MOXD1: variants seen among roughly 807,000 people sequenced by gnomAD.
MOXD1 encodes the protein monooxygenase DBH like 1.
Under a neutral mutation model 66.6 loss-of-function variants are expected in MOXD1, and 62 were observed. The observed-to-expected ratio is 0.93, with a 90% CI of 0.76 to 1.15. MOXD1 has a LOEUF of 1.15. Among genes scored for constraint, MOXD1 ranks in the 50% most tolerant of loss-of-function variants. The pLI is 0.00. For synonymous variants in MOXD1, 303 were observed against 281.9 expected, an observed-to-expected ratio of 1.07 and a Z score of -0.75; for missense variants, 847 against 754.6, an observed-to-expected ratio of 1.12 and a Z score of -1.44.
intron 9 of MOXD1, 30 bp from the exon 10 acceptor site, chr6:132,315,807 A>G: frequency 1.2e-6 from 2 of 1,609,026 alleles, no homozygotes; most frequent in Non-Finnish European, 1.7e-6. Flanking sequence ...TTAGCAAAGT[A>G]TGTGTTCTAC....
intron 10 of MOXD1, among the ~76,000 whole-genome samples, chr6:132,304,664 T>G (rs963534029): frequency 2.6e-5 from 4 of 152,202 alleles, no homozygotes; most frequent in Non-Finnish European, 5.9e-5. Flanking sequence ...TAACTTGTTG[T>G]GTATAAGTAT....
chr6:132,312,969 T>A (rs1480655842), intron 10 of MOXD1, among the ~76,000 whole-genome samples: 1 of 152,190 alleles, frequency 6.6e-6, no homozygotes, highest in East Asian at 1.9e-4. Context: ...TACTCAAGGC[T>A]AAGTAAGGAA....
intron 6 of MOXD1, 144 bp from the exon 7 acceptor site, chr6:132,324,241 AG>A: frequency 3.7e-6 from 3 of 815,618 alleles, no homozygotes; most frequent in East Asian, 2.8e-5. Context: ...CATGAGGGAA[AG>A]GGATTCAAGC....
intron 10 of MOXD1, among the ~76,000 whole-genome samples, chr6:132,315,115 G>A (rs919038446): frequency 9.2e-5 from 14 of 152,162 alleles, no homozygotes; most frequent in African/African-American, 3.4e-4. Context: ...CTTTCCATCT[G>A]GAAGTATGGA....
At chr6:132,387,124 G>A (rs1776667115) in intron 1 of MOXD1, among the ~76,000 whole-genome samples, 1 of 151,312 alleles carries the variant, frequency 6.6e-6, no homozygotes, top group Admixed American at 6.6e-5. Context: ...TTTCCAGAAG[G>A]AGTCCTCTGG....
chr6:132,363,881 C>A (rs1365418039), intron 4 of MOXD1, among the ~76,000 whole-genome samples: 1 of 151,802 alleles, frequency 6.6e-6, no homozygotes, highest in Non-Finnish European at 1.5e-5. Context: ...ACATAAATAT[C>A]TTAGTATTCT....
intron 10 of MOXD1, among the ~76,000 whole-genome samples, chr6:132,315,160 G>A (rs1348752234): frequency 1.3e-5 from 2 of 152,168 alleles, no homozygotes; most frequent in East Asian, 3.9e-4. Context: ...CCACCTATAT[G>A]ACTAGTTCCT....
At chr6:132,394,921 G>A (rs777329874) in intron 1 of MOXD1, among the ~76,000 whole-genome samples, 34 of 152,038 alleles carry the variant, frequency 2.2e-4, no homozygotes, top group Non-Finnish European at 4.7e-4. Context: ...CCCAAGTCTT[G>A]CAAAAAACTT....
At chr6:132,316,150 A>G (rs950675828) in intron 9 of MOXD1, among the ~76,000 whole-genome samples, 1 of 144,062 alleles carries the variant, frequency 6.9e-6, no homozygotes, top group Non-Finnish European at 1.5e-5. Flanking sequence ...CTTCATGTGT[A>G]TAAACATTAG....
chr6:132,352,370 A>C (rs1192580763), intron 4 of MOXD1, among the ~76,000 whole-genome samples: 1 of 152,108 alleles, frequency 6.6e-6, no homozygotes, highest in Non-Finnish European at 1.5e-5. Flanking sequence ...TTAAATTTCT[A>C]TCTTGATTTC....
At chr6:132,313,441 A>G (rs1337596010) in intron 10 of MOXD1, among the ~76,000 whole-genome samples, 1 of 152,188 alleles carries the variant, frequency 6.6e-6, no homozygotes, top group Non-Finnish European at 1.5e-5. Context: ...AATTCAGTAA[A>G]ACCTATCTAT....
intron 4 of MOXD1, among the ~76,000 whole-genome samples, chr6:132,359,653 A>AT (rs1393705645): frequency 6.6e-6 from 1 of 151,554 alleles, no homozygotes; most frequent in Non-Finnish European, 1.5e-5. Context: ...AGCCCGGCTA[A>AT]TTTTTTGTAT....
intron 4 of MOXD1, among the ~76,000 whole-genome samples, chr6:132,358,238 G>T (rs1257084021): frequency 2.0e-5 from 3 of 152,144 alleles, no homozygotes; most frequent in Non-Finnish European, 1.5e-5. Flanking sequence ...AAGTGTTAAA[G>T]CTCCCCCTAC....
At chr6:132,384,880 G>A (rs1191824047) in intron 1 of MOXD1, among the ~76,000 whole-genome samples, 1 of 152,146 alleles carries the variant, frequency 6.6e-6, no homozygotes, top group Non-Finnish European at 1.5e-5. Flanking sequence ...ATGTGTATCT[G>A]TATCTGTATC....
intron 10 of MOXD1, among the ~76,000 whole-genome samples, chr6:132,307,544 A>G (rs1481322286): frequency 2.0e-5 from 3 of 152,224 alleles, no homozygotes; most frequent in Admixed American, 2.0e-4. Context: ...CGAACTGTCT[A>G]CCTGAAATCA....
chr6:132,350,227 A>T (rs978206552), intron 4 of MOXD1, among the ~76,000 whole-genome samples: 5 of 152,132 alleles, frequency 3.3e-5, no homozygotes, highest in Non-Finnish European at 7.4e-5. Flanking sequence ...AGTTTTTCCA[A>T]TGTTATCTTC....
At chr6:132,306,096 C>T (rs919605357) in intron 10 of MOXD1, among the ~76,000 whole-genome samples, 2 of 152,058 alleles carry the variant, frequency 1.3e-5, no homozygotes, top group Admixed American at 6.6e-5. Context: ...TAACCCAATG[C>T]AAAGAAGCTA....
intron 1 of MOXD1, chr6:132,391,436 C>G (rs1189586073): frequency 6.6e-6 from 1 of 151,984 alleles, no homozygotes; most frequent in African/African-American, 2.4e-5. Flanking sequence ...TCCTTATGAA[C>G]AGCTTTTTTT....
At chr6:132,341,701 C>A (rs144311603) in intron 4 of MOXD1, among the ~76,000 whole-genome samples, 2 of 152,182 alleles carry the variant, frequency 1.3e-5, no homozygotes, top group African/African-American at 2.4e-5. Context: ...CTTACACTTA[C>A]GATTTCATTC....
Sources: gnomAD v4.1 joint callset for allele counts (sites outside exome capture counted in the v4.1 genomes callset) on GRCh38, gnomAD v4.1.1 for gene constraint, MANE v1.5 for transcripts, NCBI Gene and HGNC (gene_info 2026-07-23, HGNC 2026-07-21) for gene names.